The following NOC3L variants were observed in gnomAD, a reference collection of about 807,000 sequenced individuals.
NOC3L encodes the protein nucleolar complex protein 3 homolog.
A neutral mutation model predicts 102.5 loss-of-function variants in NOC3L; 85 were observed. The observed-to-expected ratio is 0.83, with a 90% CI of 0.70 to 0.99. NOC3L has a LOEUF of 0.99. NOC3L is among the 50% of genes least tolerant of loss of function. The pLI, the probability that NOC3L is intolerant of heterozygous loss-of-function variation, is 0.00. For missense variants in NOC3L, 878 were observed against 914.9 expected, an observed-to-expected ratio of 0.96 and a Z score of 0.52; for synonymous variants, 303 against 309.4, an observed-to-expected ratio of 0.98 and a Z score of 0.22.
At chr10:94,321,846 T>C in the NOC3L span, 4 of 1,400,282 alleles carry the variant, frequency 2.9e-6, no homozygotes, top group Non-Finnish European at 4.0e-6. Flanking sequence ...AGATTTGTCT[T>C]TCTTTATTCT....
chr10:94,346,420 C>A lies in NOC3L; in HGVS notation c.1389+5G>T. Reference sequence around the variant, plus strand: ...AAATGAAACAAAAGGGGAAATAAGTCAAACCTTTCTCTGCATTCTTGATAG... The same window carrying A: ...AAATGAAACAAAAGGGGAAATAAGTAAAACCTTTCTCTGCATTCTTGATAG... On this transcript the variant is annotated splice_donor_5th_base_variant and intron_variant, in intron 11 of 20. Transcript: ENST00000371361. The A allele has an allele frequency of 1.3e-6, 2 of 1,483,122 alleles. No homozygotes were observed. The highest frequency in any genetic ancestry group is 2.7e-5 in the South Asian group (2 of 74,026). 91.9% of individuals were successfully genotyped at this position (1,483,122 alleles called of 1,614,324 possible).
rs1235326354 is a variant in NOC3L at position 94,349,308 on chromosome 10, C to G, written c.1199G>C (p.Gly400Ala). The change falls in exon 10 of 21, where the codon GGT becomes GCT. Residue 400 changes from glycine (G) to alanine (A), a missense_variant. By Grantham distance (60) the Gly-to-Ala change is moderately conservative. Transcript: ENST00000371361. ...AAAACCAGAAATCACTTTAATTACA[C>G]CAAGAGAAGCTTGGCCTAATTTATC... ...KQDKLGQASL[G>A]VIKVISGFVK... 11 of 1,587,090 alleles carry G rather than the reference C, an allele frequency of 6.9e-6. No individual in the cohort carries two copies. The highest frequency in any genetic ancestry group is 8.5e-7 in the Non-Finnish European group (1 of 1,171,122).
At chr10:94,329,802 A>AAC (rs1564905216), downstream of NOC3L, 5 of 147,470 alleles carry the variant, frequency 3.4e-5, no homozygotes, top group African/African-American at 1.3e-4. Context: ...AAAAAAAAAA[A>AAC]AAAAAAAAAC....
At chr10:94,338,995 TCA>T (rs1398238356) in intron 17 of NOC3L, among the ~76,000 whole-genome samples, 4 of 152,326 alleles carry the variant, frequency 2.6e-5, no homozygotes, top group African/African-American at 9.6e-5. Context: ...CACCTTGCAA[TCA>T]CACTTTTAGA....
rs3740359 is a variant in NOC3L at position 94,340,362 on chromosome 10, C to A, written c.1709-15G>T. 3 of 1,612,134 alleles carry A rather than the reference C, an allele frequency of 1.9e-6. No individual in the cohort carries two copies. Among genetic ancestry groups the A allele is most frequent in the Non-Finnish European group, 2.5e-6 (3 of 1,179,034 alleles). On this transcript the variant is annotated splice_polypyrimidine_tract_variant and intron_variant, in intron 15 of 20. Coordinates refer to ENST00000371361, the MANE Select transcript of NOC3L (RefSeq NM_022451.11). ...CAGAACATCACCTTTGAAATGACAA[C>A]AAACACCAATTAGGTATGTTATAGC... is the stretch of plus-strand genomic sequence containing the variant.
At position 94,334,195 on chromosome 10, in the gene NOC3L, CA is replaced by C; in HGVS notation, c.2384del (p.Leu795Ter). On this transcript the variant is annotated frameshift_variant, in exon 21 of 21. Transcript: ENST00000371361. LOFTEE classifies it high-confidence loss of function. ...TESPLDFTKY[L>X]KTSLH Reference sequence around the variant, plus strand: ...TCCTCTACTAGTGTAGTGATGTTTTCAAATATTTCGTGAAATCCAGAGGCGA... The same window carrying C: ...TCCTCTACTAGTGTAGTGATGTTTTCAATATTTCGTGAAATCCAGAGGCGA... 2 of 1,537,362 alleles carry C rather than the reference CA, an allele frequency of 1.3e-6. No individual in the cohort carries two copies. The highest frequency in any genetic ancestry group is 2.7e-5 in the African/African-American group (2 of 73,460).
At chr10:94,326,859 G>A in the NOC3L span, among the ~76,000 whole-genome samples, 1 of 151,980 alleles carries the variant, frequency 6.6e-6, no homozygotes, top group Non-Finnish European at 1.5e-5. Context: ...TCACAGCTTT[G>A]CTTAAAGCTG....
chr10:94,346,382 A>G (rs1309106633), intron 11 of NOC3L, 43 bp downstream of exon 11: 21 of 1,393,826 alleles, frequency 1.5e-5, no homozygotes, highest in Non-Finnish European at 2.0e-5. Flanking sequence ...AAGATCAAAT[A>G]AACAGAAAAT....
At chr10:94,358,998 CTCT>C (rs986598616) in intron 2 of NOC3L, among the ~76,000 whole-genome samples, 10 of 151,184 alleles carry the variant, frequency 6.6e-5, no homozygotes, top group South Asian at 6.2e-4. Flanking sequence ...TCTCCATCTC[CTCT>C]TTTTATTTAA....
intron 13 of NOC3L, among the ~76,000 whole-genome samples, chr10:94,343,542 T>C (rs1377929098): frequency 1.3e-5 from 2 of 152,252 alleles, no homozygotes; most frequent in Non-Finnish European, 2.9e-5. Flanking sequence ...TTTCTTATGA[T>C]AAACAGAACT....
chr10:94,339,030 C>T (rs993549449), intron 17 of NOC3L, among the ~76,000 whole-genome samples: 10 of 152,256 alleles, frequency 6.6e-5, no homozygotes, highest in African/African-American at 1.9e-4. Flanking sequence ...ATAATTACAT[C>T]AGATAAATAC....
At chr10:94,352,757 G>A (rs541225990) in intron 7 of NOC3L, 139 bp downstream of exon 7, 27 of 694,088 alleles carry the variant, frequency 3.9e-5, no homozygotes, top group Non-Finnish European at 5.5e-5. Flanking sequence ...GGAAGGCAGA[G>A]GTTGCAGTGA....
chr10:94,349,860 G>A (rs555510858), intron 9 of NOC3L, among the ~76,000 whole-genome samples: 14 of 152,138 alleles, frequency 9.2e-5, no homozygotes, highest in African/African-American at 2.7e-4. Flanking sequence ...CTGAGTTCAC[G>A]CCATTCTCCT....
chr10:94,320,345 A>C, the NOC3L span, among the ~76,000 whole-genome samples: 1 of 151,450 alleles, frequency 6.6e-6, no homozygotes, highest in Non-Finnish European at 1.5e-5. Context: ...AAAATAGATT[A>C]TATATCTTTA....
In NOC3L at chr10:94,360,644, A is replaced by G. The variant is rs55635140; in HGVS notation, c.217+1021T>C. 9.7e-3 allele frequency among the ~76,000 whole-genome samples: 1,473 copies of G among 152,296 alleles called. 9 individuals are homozygous for G. The highest frequency in any genetic ancestry group is 0.016 in the Non-Finnish European group (1,063 of 68,024). ...GAAAAAGATCTAGTATTTGATAGAT[A>G]GGATGACTATAGTCAACAATAATTT... On this transcript the variant is annotated intron_variant, in intron 2 of 20. Coordinates refer to ENST00000371361, the MANE Select transcript of NOC3L (RefSeq NM_022451.11).
At chr10:94,357,141 G>A in intron 4 of NOC3L, 33 bp downstream of exon 4, 1 of 1,419,002 alleles carries the variant, frequency 7.0e-7, no homozygotes, top group Non-Finnish European at 9.3e-7. Flanking sequence ...GGGGGTAAAA[G>A]TTCAACTAAT....
At chr10:94,323,949 G>C in the NOC3L span, among the ~76,000 whole-genome samples, 1 of 152,214 alleles carries the variant, frequency 6.6e-6, no homozygotes, top group Non-Finnish European at 1.5e-5. Flanking sequence ...CAGTGGGACA[G>C]AGACGCTCCT....
At chr10:94,317,496 T>C in the NOC3L span, among the ~76,000 whole-genome samples, 1 of 152,162 alleles carries the variant, frequency 6.6e-6, no homozygotes, top group African/African-American at 2.4e-5. Flanking sequence ...TTTTAGCTAA[T>C]AGAAGTTTTA....
rs770922800 is a variant in NOC3L, at chr10:94,353,026, A to G, written c.728T>C (p.Leu243Ser). ...IKKLKELRSM[L>S]MEQDPDVAVT... ...AGCCACATCAGGATCTTGTTCCATC[A>G]ACATAGAACGTAATTCTTTCAATTT... is the stretch of plus-strand genomic sequence containing the variant. The change falls in exon 7 of 21, where the codon TTG (leucine) becomes TCG (serine). Residue 243 changes from leucine to serine, a missense_variant. Coordinates refer to ENST00000371361, the MANE Select transcript of NOC3L (RefSeq NM_022451.11). The G allele has an allele frequency of 1.9e-6, 3 of 1,610,810 alleles. No homozygotes were observed. The Admixed American group carries it at 5.1e-5, about 27-fold the overall frequency.
Sources: allele counts gnomAD v4.1 joint callset (sites outside exome capture counted in the v4.1 genomes callset), GRCh38; gene constraint gnomAD v4.1.1; transcripts MANE v1.5; gene names NCBI Gene and HGNC (gene_info 2026-07-23, HGNC 2026-07-21).